Variants in PARP11 observed in about 807,000 individuals in gnomAD.
The protein encoded by PARP11 is poly(ADP-ribose) polymerase family member 11, also known as protein mono-ADP-ribosyltransferase PARP11.
A neutral mutation model predicts 42.9 loss-of-function variants in PARP11; 31 were observed. That is an observed-to-expected ratio of 0.72 (90% CI 0.54 to 0.98). The LOEUF is 0.98. Among genes scored for constraint, PARP11 ranks in the 50% least tolerant of loss-of-function variants. The pLI, the probability that PARP11 is intolerant of heterozygous loss-of-function variation, is 0.00. For missense variants in PARP11, 365 were observed against 413.1 expected (o/e 0.88, Z 1.01); for synonymous variants, 137 against 127.3 (o/e 1.08, Z -0.51).
intron 1 of PARP11, among the ~76,000 whole-genome samples, chr12:3,862,991 T>C (rs1340183653): frequency 6.6e-6 from 1 of 152,212 alleles, no homozygotes; most frequent in African/African-American, 2.4e-5. Context: ...ATATTGAGTA[T>C]TCCAACCCAT....
At chr12:3,856,899 C>A (rs568032249) in intron 1 of PARP11, among the ~76,000 whole-genome samples, 1 of 152,120 alleles carries the variant, frequency 6.6e-6, no homozygotes, top group Non-Finnish European at 1.5e-5. Flanking sequence ...CAATGATAGA[C>A]TGGATTAAGA....
At chr12:3,836,461 T>G (rs1947764417) in intron 1 of PARP11, among the ~76,000 whole-genome samples, 1 of 152,162 alleles carries the variant, frequency 6.6e-6, no homozygotes, top group Non-Finnish European at 1.5e-5. Flanking sequence ...CAAACTTGCT[T>G]TACAAGAAAT....
At position 3,819,548 on chromosome 12, in the gene PARP11, T is replaced by C. The variant is rs981692628; in HGVS notation, c.548+2325A>G. ...TCATTACCAAATGTCCCCCAGCAGG[T>C]AAAATCACTCCCAGTTGAGAACCAC... On this transcript the variant is annotated intron_variant, in intron 6 of 7. Transcript: ENST00000228820. Among the ~76,000 whole-genome samples, 3 of 152,084 alleles carry C rather than the reference T, an allele frequency of 2.0e-5. No homozygotes were observed. In the East Asian group the frequency reaches 5.8e-4, roughly 29 times the overall value.
In PARP11 at chr12:3,826,188, T is replaced by C. The variant is rs1947519235; in HGVS notation, c.314A>G (p.Lys105Arg). Reference protein sequence around the residue: ...NLTTGKQRLIKRAPFSISAFS... With the variant: ...NLTTGKQRLIRRAPFSISAFS... ...AGCACTGATAGAAAAGGGGGCTCTT[T>C]TTATTAAGCGCTGCTTTCCAGTGGT... Residue 105 changes from lysine (K) to arginine (R), a missense_variant, in exon 4 of 8, where the codon AAA becomes AGA. By Grantham distance (26) the Lys-to-Arg change is conservative. Transcript: ENST00000228820. 1 of 1,599,798 alleles carries C rather than the reference T, an allele frequency of 6.3e-7. No homozygotes were observed. The highest frequency in any genetic ancestry group is 1.7e-4 in the Middle Eastern group (1 of 5,970).
In PARP11 at chr12:3,873,376, G is replaced by C. The variant is rs1948531889; in HGVS notation, c.-147C>G. On this transcript the variant is annotated 5_prime_UTR_variant, in exon 1 of 8. Coordinates refer to ENST00000228820, the MANE Select transcript of PARP11 (RefSeq NM_020367.6). ...GAAGGCCTTCCTCCTCCCCCTCCCT[G>C]TCACAAGCCAGCGTTTACAGACCAC... 1 of 736,484 alleles carries C rather than the reference G, an allele frequency of 1.4e-6. No homozygotes were observed. Among genetic ancestry groups the C allele is most frequent in the African/African-American group, 1.8e-5 (1 of 56,666 alleles). 45.6% of individuals were successfully genotyped at this position (736,484 alleles called of 1,614,324 possible). A position where few individuals can be genotyped will look rare whatever the true frequency, so the allele number is the denominator to read the frequency against.
Position 3,829,997 on chromosome 12 carries a change from C to T in PARP11, c.40G>A (p.Glu14Lys), listed in dbSNP as rs142910026. 6.2e-7 allele frequency: 1 copy of T among 1,613,726 alleles called. No individual in the cohort carries two copies. Among genetic ancestry groups the T allele is most frequent in the East Asian group, 2.2e-5 (1 of 44,868 alleles). Residue 14 changes from glutamate to lysine, a missense_variant, in exon 2 of 8, where the codon GAA (glutamate) becomes AAA (lysine). Glu to Lys is a moderately conservative substitution (Grantham distance 56). Coordinates refer to ENST00000228820, the MANE Select transcript of PARP11 (RefSeq NM_020367.6). Reference protein sequence around the residue: ...ANPEMFHKAEELFSKTTNNEV... With the variant: ...ANPEMFHKAEKLFSKTTNNEV... Reference sequence around the variant, plus strand: ...TTGTTTGTTGTTTTAGAAAATAATTCTTCTGCTTTGTGAAACATCTCCTGA... The same window carrying T: ...TTGTTTGTTGTTTTAGAAAATAATTTTTCTGCTTTGTGAAACATCTCCTGA...
chr12:3,816,306 T>C (rs1297168699), intron 6 of PARP11, among the ~76,000 whole-genome samples: 1 of 152,246 alleles, frequency 6.6e-6, no homozygotes. Context: ...CCCTTCTAGT[T>C]TTGAATCCCT....
At chr12:3,851,468 G>T (rs776938570) in intron 1 of PARP11, among the ~76,000 whole-genome samples, 2 of 152,258 alleles carry the variant, frequency 1.3e-5, no homozygotes, top group Non-Finnish European at 2.9e-5. Context: ...TCCCGCACCT[G>T]GCTCAGCGGG....
Position 3,872,686 on chromosome 12 carries a change from G to T in PARP11, c.18+526C>A, listed in dbSNP as rs1010234602. ...TCTTAGGCCCATTCAAGACAAGGGG[G>T]TCCCAATTCCCTTGCTTTAGACTGG... On this transcript the variant is annotated intron_variant, in intron 1 of 7. Transcript: ENST00000228820. 10 of 985,224 alleles carry T rather than the reference G, an allele frequency of 1.0e-5. No individual in the cohort carries two copies. The African/African-American group carries it at 1.4e-4, about 14-fold the overall frequency. The allele number at this position is 985,224 out of a possible 1,614,324, so 61.0% of individuals were successfully genotyped here.
chr12:3,864,414 G>A (rs559062794), intron 1 of PARP11, among the ~76,000 whole-genome samples: 2 of 152,284 alleles, frequency 1.3e-5, no homozygotes, highest in South Asian at 2.1e-4. Flanking sequence ...TGAAATAAGG[G>A]TCTGACAGCC....
intron 1 of PARP11, among the ~76,000 whole-genome samples, chr12:3,866,387 T>A (rs540776169): frequency 6.6e-6 from 1 of 152,300 alleles, no homozygotes; most frequent in East Asian, 1.9e-4. Flanking sequence ...CTTCTTGTTT[T>A]CTCTCAGAAT....
chr12:3,812,875 T>C (rs1183406586), intron 7 of PARP11, among the ~76,000 whole-genome samples: 3 of 152,206 alleles, frequency 2.0e-5, no homozygotes, highest in Non-Finnish European at 2.9e-5. Flanking sequence ...CGATCTCAGC[T>C]CACTGCAACC....
intron 1 of PARP11, among the ~76,000 whole-genome samples, chr12:3,860,416 A>G (rs1948276348): frequency 6.6e-6 from 1 of 152,168 alleles, no homozygotes; most frequent in African/African-American, 2.4e-5. Context: ...CTTGCTTTCA[A>G]TAGGCCAGAT....
chr12:3,818,659 C>T (rs575657548), intron 6 of PARP11, among the ~76,000 whole-genome samples: 22 of 152,348 alleles, frequency 1.4e-4, no homozygotes, highest in Admixed American at 7.2e-4. Context: ...TTGCTGTATA[C>T]ACAATATGAT....
intron 3 of PARP11, among the ~76,000 whole-genome samples, chr12:3,828,604 T>C (rs1947577294): frequency 1.3e-5 from 2 of 150,698 alleles, no homozygotes; most frequent in Admixed American, 1.3e-4. Flanking sequence ...TTCAAAAGAC[T>C]GATGGGATGA....
chr12:3,872,301 C>G (rs1405813447), intron 1 of PARP11, among the ~76,000 whole-genome samples: 4 of 152,144 alleles, frequency 2.6e-5, no homozygotes, highest in Admixed American at 6.5e-5. Context: ...TCTCCCTGGT[C>G]TCTGAAGTGC....
chr12:3,859,860 C>CA (rs1029961234), intron 1 of PARP11, among the ~76,000 whole-genome samples: 72 of 152,200 alleles, frequency 4.7e-4, no homozygotes, highest in African/African-American at 1.7e-3. Context: ...AAAGTAGGGT[C>CA]ATTTTATCAT....
rs769924235 is a variant in PARP11 at position 3,830,036 on chromosome 12, G to A, written c.19-18C>T. ...AACATCTCCTGAAAAGCCAGAAGGA[G>A]GTGGAGGAAGAAATAATTCTATTAA... On this transcript the variant is annotated intron_variant, in intron 1 of 7. Transcript: ENST00000228820. 3.7e-6 allele frequency: 6 copies of A among 1,609,786 alleles called. No homozygotes were observed. In the South Asian group the frequency reaches 4.4e-5, roughly 12 times the overall value.
chr12:3,855,285 C>A (rs1369366939), intron 1 of PARP11, among the ~76,000 whole-genome samples: 1 of 152,084 alleles, frequency 6.6e-6, no homozygotes, highest in East Asian at 1.9e-4. Context: ...CTGGCCAGGG[C>A]AATCAGGCAA....
Sources: allele counts gnomAD v4.1 joint callset (sites outside exome capture counted in the v4.1 genomes callset), GRCh38; gene constraint gnomAD v4.1.1; transcripts MANE v1.5; gene names NCBI Gene and HGNC (gene_info 2026-07-23, HGNC 2026-07-21).